Variants in MUC4 observed in about 807,000 individuals in gnomAD.
MUC4 encodes mucin 4, cell surface associated, also known as mucin-4.
In MUC4, 202 loss-of-function variants were observed where a neutral mutation model predicts 257.9. The ratio of observed to expected loss-of-function variants is 0.78; its 90% confidence interval spans 0.70 to 0.88. The LOEUF (loss-of-function observed/expected upper bound fraction) is 0.88. Ranked by LOEUF, MUC4 falls within the 40% of genes least tolerant of loss-of-function variation. The probability of loss-of-function intolerance (pLI) is 0.00; values close to 1 mark genes in which losing one functional copy is unlikely to be tolerated. For missense variants in MUC4, 5,976 were observed against 6,513.7 expected, an observed-to-expected ratio of 0.92 and a Z score of 2.84; for synonymous variants, 2,351 against 2,757.1, an observed-to-expected ratio of 0.85 and a Z score of 4.62.
At chr3:195,767,463 T>TACCACCACCATCACCACC (rs1720839507) in intron 7 of MUC4, among the ~76,000 whole-genome samples, 1 of 37,268 alleles carries the variant, frequency 2.7e-5, no homozygotes, top group Admixed American at 2.4e-4. Flanking sequence ...CCACCAACAC[T>TACCACCACCATCACCACC]ACCACCACCA....
rs766496234 is a variant in MUC4 at position 195,785,722 on chromosome 3, A to G, written c.5858T>C (p.Leu1953Pro). 11 of 1,387,040 alleles carry G rather than the reference A, an allele frequency of 7.9e-6. No individual in the cohort carries two copies. The highest frequency in any genetic ancestry group is 1.3e-5 in the South Asian group (1 of 76,774). The allele number at this position is 1,387,040 out of a possible 1,614,324, so 85.9% of individuals were successfully genotyped here. ...TACTGAGGAAGCGTCGGTGACAGGA[A>G]GAGGGGTGGTGTGACCTGAGGATGC... is the stretch of plus-strand genomic sequence containing the variant. ...SSASSGHTTP[L>P]PVTDASSVPT... is the part of the protein sequence containing the mutation. The change falls in exon 2 of 25, where the codon CTT (leucine) becomes CCT (proline). Residue 1953 changes from leucine (L) to proline (P), a missense_variant. Physicochemically the swap from Leu to Pro is moderately conservative, Grantham distance 98 (BLOSUM62 -3). Around this residue, in one of 44 missense-constraint regions of MUC4, gnomAD observed 87 missense variants for 104.6 expected, o/e 0.83. Transcript: ENST00000463781.
In MUC4 at chr3:195,747,117, C is replaced by CT; in HGVS notation, c.*58dup. On this transcript the variant is annotated 3_prime_UTR_variant, in exon 25 of 25. Coordinates refer to ENST00000463781, the MANE Select transcript of MUC4 (RefSeq NM_018406.7). ...TCCAGTCTCCCAAAAGCAATGGCGCCTTAAATGTGCGGTAAGGATGAGGTG... is the reference window on the plus strand; with the variant it reads ...TCCAGTCTCCCAAAAGCAATGGCGCCTTTAAATGTGCGGTAAGGATGAGGTG... The CT allele has an allele frequency of 6.2e-7, 1 of 1,602,932 alleles. No homozygotes were observed. Among genetic ancestry groups the CT allele is most frequent in the Non-Finnish European group, 8.5e-7 (1 of 1,171,222 alleles).
In MUC4 at chr3:195,778,361, G is replaced by A; in HGVS notation, c.12885C>T (p.Pro4295=). Reference sequence around the variant, plus strand: ...TGGAGCGGGTGTGCATGGCAGTGCTGGGAATGGTGGAAATGATGGTCTGGG... The same window carrying A: ...TGGAGCGGGTGTGCATGGCAGTGCTAGGAATGGTGGAAATGATGGTCTGGG... ...TTSQTIISTI[P]STAMHTRSTA... Residue 4295 remains proline (P), a synonymous_variant, in exon 3 of 25, where the codon CCC becomes CCT. Coordinates refer to ENST00000463781, the MANE Select transcript of MUC4 (RefSeq NM_018406.7). 6.2e-7 allele frequency: 1 copy of A among 1,613,110 alleles called. No homozygotes were observed. The highest frequency in any genetic ancestry group is 8.5e-7 in the Non-Finnish European group (1 of 1,179,888).
rs114423071 is a variant in MUC4, at chr3:195,765,032, C to T, written c.13889G>A (p.Arg4630His). The change falls in exon 10 of 25, where the codon CGT becomes CAT. Residue 4630 changes from arginine (R) to histidine (H), a missense_variant. Transcript: ENST00000463781. ...CCSYGPWGEF[R>H]EGWHVQRPWQ... ...AGGACGCTGCACGTGCCAGCCTTCACGAAACTCTCCCCAGGGCCCGTAGCT... is the reference window on the plus strand; with the variant it reads ...AGGACGCTGCACGTGCCAGCCTTCATGAAACTCTCCCCAGGGCCCGTAGCT... 2.7e-3 allele frequency: 4,289 copies of T among 1,613,916 alleles called. 93 individuals are homozygous for T. The African/African-American group carries it at 0.049, about 18-fold the overall frequency.
Position 195,784,451 on chromosome 3 carries a change from C to G in MUC4, c.7129G>C (p.Ala2377Pro), listed in dbSNP as rs1189957093. 7.2e-7 allele frequency: 1 copy of G among 1,379,938 alleles called. No individual in the cohort carries two copies. The highest frequency in any genetic ancestry group is 2.1e-5 in the Admixed American group (1 of 48,056). 85.5% of individuals were successfully genotyped at this position (1,379,938 alleles called of 1,614,324 possible). A position where few individuals can be genotyped will look rare whatever the true frequency, so the allele number is the denominator to read the frequency against. Residue 2377 changes from alanine (A) to proline (P), a missense_variant, in exon 2 of 25, where the codon GCA becomes CCA. Transcript: ENST00000463781. The stretch of plus-strand genomic sequence containing the variant: ...AGAGGGGTGGTGTGACCTGAGGATG[C>G]TGAGGAAGAGCTGGTGACAGGAAGA... Reference protein sequence around the residue: ...TPLPVTSSSSASSGHTTPLPV... With the variant: ...TPLPVTSSSSPSSGHTTPLPV...
chr3:195,782,941 GGGGTGGCATGACCTGTGGACACTGAGGAA>G lies in MUC4; in HGVS notation c.8610_8638del (p.Val2873CysfsTer27), dbSNP rs1729031148. 6.6e-7 allele frequency: 1 copy of G among 1,509,078 alleles called. No individual in the cohort carries two copies. The highest frequency in any genetic ancestry group is 1.6e-5 in the African/African-American group (1 of 63,764). The allele number at this position is 1,509,078 out of a possible 1,614,324, so 93.5% of individuals were successfully genotyped here. A position where few individuals can be genotyped will look rare whatever the true frequency, so the allele number is the denominator to read the frequency against. On this transcript the variant is annotated frameshift_variant, in exon 2 of 25. Coordinates refer to ENST00000463781, the MANE Select transcript of MUC4 (RefSeq NM_018406.7). LOFTEE classifies it high-confidence loss of function. ...TGAGGAAGCGTCGGTGACAGGAAGA[GGGGTGGCATGACCTGTGGACACTGAGGAA>G]GCGTCGGTGACAGGAAGAGAGGTGG...
intron 22 of MUC4, 42 bp from the exon 23 acceptor site, chr3:195,751,154 G>GGGCTGGGT: frequency 6.7e-7 from 1 of 1,501,718 alleles, no homozygotes; most frequent in African/African-American, 1.4e-5. Context: ...GGGGGCTGGG[G>GGGCTGGGT]GTGGGGGATG....
In MUC4 at chr3:195,791,128, G is replaced by A. The variant is rs1578433648; in HGVS notation, c.452C>T (p.Thr151Ile). ...TTSTDSTLGNTEETSTAGTES... is the reference protein window; with the variant it reads ...TTSTDSTLGNIEETSTAGTES... The stretch of plus-strand genomic sequence containing the variant: ...AGTTCCTGCTGTTGATGTCTCTTCT[G>A]TGTTTCCAAGAGTGGAGTCTGTGGA... The change falls in exon 2 of 25, where the codon ACA (threonine) becomes ATA (isoleucine). Residue 151 changes from threonine to isoleucine, a missense_variant. By Grantham distance (89) the Thr-to-Ile change is moderately conservative (BLOSUM62 -1). Transcript: ENST00000463781. 7.4e-6 allele frequency: 12 copies of A among 1,613,902 alleles called. No homozygotes were observed. The highest frequency in any genetic ancestry group is 1.0e-5 in the Non-Finnish European group (12 of 1,179,862).
rs772085371 is a variant in MUC4 at position 195,788,517 on chromosome 3, G to C, written c.3063C>G (p.His1021Gln). 1.3e-6 allele frequency: 2 copies of C among 1,483,126 alleles called. No homozygotes were observed. The highest frequency in any genetic ancestry group is 1.7e-5 in the African/African-American group (1 of 58,002). 91.9% of individuals were successfully genotyped at this position (1,483,126 alleles called of 1,614,324 possible). A position where few individuals can be genotyped will look rare whatever the true frequency, so the allele number is the denominator to read the frequency against. ...TGTCGGTGACAGGAAGAGGGGTGGT[G>C]TGACCTGTGGATACTGAGGAAGGGC... ...VTSPSSVSTG[H>Q]TTPLPVTDTS... The change falls in exon 2 of 25, where the codon CAC becomes CAG. Residue 1021 changes from histidine to glutamine, a missense_variant. Around this residue, in one of 44 missense-constraint regions of MUC4, gnomAD observed 1,583 missense variants for 1,257.4 expected, o/e 1.26. Coordinates refer to ENST00000463781, the MANE Select transcript of MUC4 (RefSeq NM_018406.7).
chr3:195,758,573 C>CTTTTTTTTTTTTTTTTTTTTTTT (rs55860315), intron 17 of MUC4, among the ~76,000 whole-genome samples: 1 of 126,474 alleles, frequency 7.9e-6, no homozygotes, highest in African/African-American at 3.1e-5. Flanking sequence ...ATCTTCAAAT[C>CTTTTTTTTTTTTTTTTTTTTTTT]TTTTTTTTGA....
At chr3:195,767,905 CA>C (rs1721857585) in intron 7 of MUC4, among the ~76,000 whole-genome samples, 2 of 134,444 alleles carry the variant, frequency 1.5e-5, no homozygotes, top group African/African-American at 7.6e-5. Flanking sequence ...CCATCACCAC[CA>C]TCACCATCGC....
At chr3:195,758,076 C>A (rs1010060910) in intron 17 of MUC4, among the ~76,000 whole-genome samples, 1 of 152,194 alleles carries the variant, frequency 6.6e-6, no homozygotes, top group Non-Finnish European at 1.5e-5. Context: ...GCAAAGAGAA[C>A]GCAAAATATG....
In MUC4 at chr3:195,748,873, C is replaced by T. The variant is rs771125258; in HGVS notation, c.16034+29G>A. ...CCAGCTTGGGTTCCCCAGCACTGTC[C>T]TCCACCTCCTGGCCACAGCCCTATG... On this transcript the variant is annotated intron_variant, in intron 24 of 24. Transcript: ENST00000463781. 1.0e-5 allele frequency: 16 copies of T among 1,536,364 alleles called. No individual in the cohort carries two copies. The Admixed American group carries it at 1.9e-4, about 18-fold the overall frequency.
At chr3:195,798,693 G>A (rs1233259685) in intron 1 of MUC4, among the ~76,000 whole-genome samples, 1 of 151,914 alleles carries the variant, frequency 6.6e-6, no homozygotes, top group Admixed American at 6.6e-5. Flanking sequence ...GACAGAGTGA[G>A]ACTCCGTCTC....
intron 1 of MUC4, among the ~76,000 whole-genome samples, chr3:195,798,096 T>C (rs1315938465): frequency 6.6e-6 from 1 of 152,192 alleles, no homozygotes; most frequent in East Asian, 1.9e-4. Flanking sequence ...CCAGCCTGCA[T>C]GACAGAGGGA....
rs551438562 is a variant in MUC4, at chr3:195,793,508, A to T, written c.83-2011T>A. 1.9e-3 allele frequency among the ~76,000 whole-genome samples: 271 copies of T among 139,256 alleles called. 5 individuals are homozygous for T. In the South Asian group the frequency reaches 0.035, roughly 18 times the overall value. 91.4% of individuals were successfully genotyped at this position (139,256 alleles called of 152,430 possible). ...CAGAGCAAGATTCTGTCTCAAAAAA[A>T]AAATAAATAAATAAAATAAAAAAGG... is the stretch of plus-strand genomic sequence containing the variant. On this transcript the variant is annotated intron_variant, in intron 1 of 24. Transcript: ENST00000463781.
intron 24 of MUC4, 45 bp from the exon 25 acceptor site, chr3:195,747,425 A>C: frequency 1.3e-6 from 2 of 1,580,792 alleles, no homozygotes; most frequent in Non-Finnish European, 8.7e-7. Context: ...GCGGGAGCTC[A>C]GCCTCCCAGC....
intron 14 of MUC4, 90 bp downstream of exon 14, chr3:195,761,997 G>A (rs373457433): frequency 4.3e-6 from 6 of 1,390,452 alleles, no homozygotes; most frequent in East Asian, 2.5e-5. Flanking sequence ...AGAAAGGGAG[G>A]CCGAGCAGGG....
intron 10 of MUC4, among the ~76,000 whole-genome samples, chr3:195,764,779 G>A (rs1465014463): frequency 6.6e-6 from 1 of 152,168 alleles, no homozygotes; most frequent in Non-Finnish European, 1.5e-5. Flanking sequence ...CTGGCCTGGG[G>A]ATGTGGAGCC....
Sources: allele counts gnomAD v4.1 joint callset (sites outside exome capture counted in the v4.1 genomes callset), GRCh38; gene constraint gnomAD v4.1.1; regional missense constraint gnomAD v4.1.1; transcripts MANE v1.5; gene names NCBI Gene and HGNC (gene_info 2026-07-23, HGNC 2026-07-21).